DIS3L2: variants seen among roughly 807,000 people sequenced by gnomAD.
DIS3L2 encodes DIS3 like 3'-5' exoribonuclease 2, also known as DIS3-like exonuclease 2.
DIS3L2 carries 34 observed loss-of-function variants against 97.5 expected under a neutral mutation model. The observed-to-expected ratio is 0.35, with a 90% CI of 0.27 to 0.46. DIS3L2 has a LOEUF of 0.46. Ranked by LOEUF, DIS3L2 falls within the 20% of genes least tolerant of loss-of-function variation. DIS3L2 has a pLI of 1.00. For synonymous variants in DIS3L2, 435 were observed against 445.2 expected, an observed-to-expected ratio of 0.98 and a Z score of 0.29; for missense variants, 1,038 against 1,146.0, an observed-to-expected ratio of 0.91 and a Z score of 1.36.
intron 8 of DIS3L2, among the ~76,000 whole-genome samples, chr2:232,158,671 T>G (rs1049075926): frequency 1.3e-5 from 2 of 152,172 alleles, no homozygotes; most frequent in Admixed American, 6.5e-5. Context: ...ATTTCTTTTT[T>G]TCTTTTCCAA....
At chr2:232,258,538 C>T (rs1257837143) in intron 12 of DIS3L2, among the ~76,000 whole-genome samples, 2 of 143,920 alleles carry the variant, frequency 1.4e-5, no homozygotes, top group Admixed American at 1.5e-4. Flanking sequence ...GAGCCCAGAT[C>T]GTGCCACTGC....
intron 5 of DIS3L2, among the ~76,000 whole-genome samples, chr2:232,086,678 T>C (rs1414076264): frequency 1.3e-4 from 18 of 138,276 alleles, no homozygotes; most frequent in Admixed American, 2.2e-4. Flanking sequence ...TGTGTGTGTG[T>C]ATATATATAT....
At chr2:231,971,801 T>A (rs1319084404) in intron 1 of DIS3L2, among the ~76,000 whole-genome samples, 2 of 150,268 alleles carry the variant, frequency 1.3e-5, no homozygotes, top group Non-Finnish European at 3.0e-5. Flanking sequence ...CAGGATGGTC[T>A]CAAACTCCAG....
intron 19 of DIS3L2, 110 bp from the exon 20 acceptor site, chr2:232,335,663 G>A (rs1695919170): frequency 8.0e-7 from 1 of 1,255,706 alleles, no homozygotes; most frequent in Non-Finnish European, 1.1e-6. Context: ...GGCAAGGGTG[G>A]GCCAGGGCCG....
At chr2:232,326,748 AGGAG>A (rs1695588617) in intron 14 of DIS3L2, among the ~76,000 whole-genome samples, 1 of 138,664 alleles carries the variant, frequency 7.2e-6, no homozygotes, top group African/African-American at 3.0e-5. Context: ...TCCCAGCCCC[AGGAG>A]GGAGGGAGAG....
chr2:232,099,759 AT>A (rs773587145), intron 6 of DIS3L2, among the ~76,000 whole-genome samples: 3 of 152,130 alleles, frequency 2.0e-5, no homozygotes, highest in Non-Finnish European at 2.9e-5. Context: ...TATTATACTA[AT>A]TGGTCTGTTC....
At chr2:232,298,430 G>T (rs2139028) in intron 13 of DIS3L2, among the ~76,000 whole-genome samples, 149,014 of 152,330 alleles carry the variant, frequency 0.98, 72,891 homozygotes, top group East Asian at 1. Context: ...ACTAATAGAT[G>T]CTTTTAAAAT....
At chr2:232,303,753 T>TA (rs1694920716) in intron 14 of DIS3L2, among the ~76,000 whole-genome samples, 1 of 152,108 alleles carries the variant, frequency 6.6e-6, no homozygotes, top group South Asian at 2.1e-4. Flanking sequence ...CAAAAGCAGG[T>TA]AAAGTTTTCT....
At chr2:232,296,010 G>T (rs1465322846) in intron 13 of DIS3L2, among the ~76,000 whole-genome samples, 1 of 152,176 alleles carries the variant, frequency 6.6e-6, no homozygotes, top group Non-Finnish European at 1.5e-5. Context: ...TATCCCTTCA[G>T]GTTACAATCT....
chr2:232,081,386 C>G (rs1357160616), intron 5 of DIS3L2, among the ~76,000 whole-genome samples: 1 of 152,118 alleles, frequency 6.6e-6, no homozygotes, highest in African/African-American at 2.4e-5. Flanking sequence ...TATAAAACTC[C>G]CTCTCCATCA....
intron 1 of DIS3L2, among the ~76,000 whole-genome samples, chr2:231,965,794 C>T (rs1395145001): frequency 6.6e-6 from 1 of 152,160 alleles, no homozygotes; most frequent in Non-Finnish European, 1.5e-5. Context: ...CTGATGTCTA[C>T]AAGATGCACA....
chr2:232,316,465 G>C (rs572348916), intron 14 of DIS3L2, among the ~76,000 whole-genome samples: 1 of 151,930 alleles, frequency 6.6e-6, no homozygotes, highest in South Asian at 2.1e-4. Flanking sequence ...TCACTTCTCC[G>C]TGGCTGTCCG....
chr2:232,047,886 A>AGCACATATCAGTACTTCATTTC (rs1291552868), intron 5 of DIS3L2, among the ~76,000 whole-genome samples: 2 of 152,234 alleles, frequency 1.3e-5, no homozygotes, highest in African/African-American at 4.8e-5. Flanking sequence ...TCCACGTTGT[A>AGCACATATCAGTACTTCATTTC]GCACATATCA....
intron 6 of DIS3L2, among the ~76,000 whole-genome samples, chr2:232,124,101 A>G (rs937209036): frequency 1.3e-5 from 2 of 152,220 alleles, no homozygotes; most frequent in Non-Finnish European, 2.9e-5. Context: ...AGAAACCACA[A>G]ACAACAGAAG....
intron 11 of DIS3L2, among the ~76,000 whole-genome samples, chr2:232,241,151 C>G (rs1294082912): frequency 6.6e-6 from 1 of 152,244 alleles, no homozygotes; most frequent in Non-Finnish European, 1.5e-5. Context: ...GCTGCTCTGA[C>G]CTTTCTTCCT....
chr2:232,154,154 T>C (rs1221717488), intron 8 of DIS3L2, among the ~76,000 whole-genome samples: 1 of 48,868 alleles, frequency 2.0e-5, no homozygotes, highest in African/African-American at 8.6e-5. Flanking sequence ...TTGAATGTCC[T>C]CCCGTAGCTC....
At chr2:232,321,957 G>A (rs568386765) in intron 14 of DIS3L2, among the ~76,000 whole-genome samples, 4 of 152,316 alleles carry the variant, frequency 2.6e-5, no homozygotes, top group Non-Finnish European at 2.9e-5. Flanking sequence ...TCTGTCCCTG[G>A]GGCTTGGCCG....
At chr2:232,043,491 G>A (rs1448211000) in intron 5 of DIS3L2, among the ~76,000 whole-genome samples, 1 of 152,198 alleles carries the variant, frequency 6.6e-6, no homozygotes, top group Admixed American at 6.5e-5. Flanking sequence ...GATTCATTAT[G>A]TGTTGCATTC....
At chr2:232,033,676 A>C (rs1694872715) in intron 5 of DIS3L2, among the ~76,000 whole-genome samples, 1 of 152,174 alleles carries the variant, frequency 6.6e-6, no homozygotes, top group Non-Finnish European at 1.5e-5. Flanking sequence ...TTTTAGCATA[A>C]AGGGGTGTTG....
Sources: allele counts gnomAD v4.1 joint callset (sites outside exome capture counted in the v4.1 genomes callset), GRCh38; gene constraint gnomAD v4.1.1; transcripts MANE v1.5; gene names NCBI Gene and HGNC (gene_info 2026-07-23, HGNC 2026-07-21).